Variants in EPM2A observed in about 807,000 individuals in gnomAD.
EPM2A encodes the protein EPM2A glucan phosphatase, laforin.
In EPM2A, 21 loss-of-function variants were observed where a neutral mutation model predicts 26.5. The observed-to-expected ratio is 0.79, with a 90% confidence interval of 0.56 to 1.14. The LOEUF (loss-of-function observed/expected upper bound fraction) is 1.14. Ranked by LOEUF, EPM2A falls within the 50% of genes most tolerant of loss-of-function variation. The probability of loss-of-function intolerance (pLI) is 0.00; values close to 1 mark genes in which losing one functional copy is unlikely to be tolerated. For synonymous variants in EPM2A, 217 were observed against 177.6 expected, an observed-to-expected ratio of 1.22 and a Z score of -1.76; for missense variants, 458 against 440.8, an observed-to-expected ratio of 1.04 and a Z score of -0.35.
chr6:145,472,281 G>A (rs915943767), intron 4 of EPM2A, among the ~76,000 whole-genome samples: 2 of 151,792 alleles, frequency 1.3e-5, no homozygotes, highest in African/African-American at 4.8e-5. Flanking sequence ...CTACATGGAG[G>A]GCCCTGGTGA....
In EPM2A at chr6:145,502,634, C is replaced by T; in HGVS notation, c.341-59G>A. The T allele has an allele frequency of 4.3e-6, 2 of 469,428 alleles. 1 individual carries two copies. The highest frequency in any genetic ancestry group is 3.1e-5 in the South Asian group (2 of 64,404). The allele number at this position is 469,428 out of a possible 1,614,324, so 29.1% of individuals were successfully genotyped here. The stretch of plus-strand genomic sequence containing the variant: ...AAAACCTGGCACAGTGCCAGCCTTG[C>T]TCAAGATGTTGTTATTCAGTCTTAG... On this transcript the variant is annotated intron_variant, in intron 2 of 3. Coordinates refer to the EPM2A transcript ENST00000450221.
chr6:145,552,983 G>C (rs1780676011), intron 2 of EPM2A, among the ~76,000 whole-genome samples: 1 of 151,990 alleles, frequency 6.6e-6, no homozygotes, highest in African/African-American at 2.4e-5. Context: ...ATATGGTTTG[G>C]CTCTGTGTCC....
At chr6:145,725,999 C>A (rs1776187059) in intron 1 of EPM2A, among the ~76,000 whole-genome samples, 1 of 152,106 alleles carries the variant, frequency 6.6e-6, no homozygotes. Flanking sequence ...GGCACACTCA[C>A]TGCCCAGATC....
At chr6:145,723,304 G>A (rs1776035611) in intron 1 of EPM2A, among the ~76,000 whole-genome samples, 1 of 152,046 alleles carries the variant, frequency 6.6e-6, no homozygotes, top group African/African-American at 2.4e-5. Flanking sequence ...ACTGAGTGGG[G>A]ACATGTCAAT....
At chr6:145,622,411 G>A (rs1335471462), downstream of EPM2A, among the ~76,000 whole-genome samples, 1 of 152,088 alleles carries the variant, frequency 6.6e-6, no homozygotes, top group African/African-American at 2.4e-5. Context: ...GTTGTCCATT[G>A]ATTTGTGTTT....
At chr6:145,656,910 T>C (rs562143226) in intron 2 of EPM2A, among the ~76,000 whole-genome samples, 11 of 152,258 alleles carry the variant, frequency 7.2e-5, no homozygotes, top group Non-Finnish European at 1.2e-4. Flanking sequence ...AAAGATAAAA[T>C]ATTCTCTTTG....
chr6:145,404,216 T>A (rs1278986818), intron 4 of EPM2A, among the ~76,000 whole-genome samples: 1 of 152,146 alleles, frequency 6.6e-6, no homozygotes, highest in Non-Finnish European at 1.5e-5. Context: ...TTCTGTGGAT[T>A]GTCTCTTTGT....
intron 4 of EPM2A, among the ~76,000 whole-genome samples, chr6:145,403,773 T>C (rs1341392830): frequency 1.3e-5 from 2 of 152,164 alleles, no homozygotes; most frequent in Admixed American, 1.3e-4. Flanking sequence ...CTTTTGTATA[T>C]ATACCCAGCA....
chr6:145,641,466 G>C (rs1232934087), intron 2 of EPM2A, among the ~76,000 whole-genome samples: 2 of 152,120 alleles, frequency 1.3e-5, no homozygotes, highest in East Asian at 1.9e-4. Flanking sequence ...TCAGCCTCCA[G>C]AACTGTGAAA....
intron 1 of EPM2A, among the ~76,000 whole-genome samples, chr6:145,731,780 GAGAAAGAAATCAT>G (rs1217365424): frequency 6.6e-6 from 1 of 151,936 alleles, no homozygotes; most frequent in Non-Finnish European, 1.5e-5. Flanking sequence ...ACAAAAAAAA[GAGAAAGAAATCAT>G]AGAAAATTTC....
intron 2 of EPM2A, among the ~76,000 whole-genome samples, chr6:145,554,477 C>A (rs867745949): frequency 6.9e-6 from 1 of 144,618 alleles, no homozygotes; most frequent in Non-Finnish European, 1.5e-5. Context: ...GATACATAGA[C>A]AGAGAGACAG....
intron 4 of EPM2A, among the ~76,000 whole-genome samples, chr6:145,420,731 C>T (rs1778770562): frequency 6.6e-6 from 1 of 152,200 alleles, no homozygotes; most frequent in Admixed American, 6.5e-5. Flanking sequence ...ATACCTGAGA[C>T]TAGTTACTTT....
chr6:145,675,548 G>C (rs977283068), intron 2 of EPM2A, among the ~76,000 whole-genome samples: 1 of 152,060 alleles, frequency 6.6e-6, no homozygotes, highest in Non-Finnish European at 1.5e-5. Context: ...CCCATCTCAC[G>C]TGCAGAGATA....
intron 1 of EPM2A, among the ~76,000 whole-genome samples, chr6:145,730,672 T>A (rs1441453343): frequency 6.6e-6 from 1 of 152,230 alleles, no homozygotes; most frequent in African/African-American, 2.4e-5. Context: ...AATTGATTTT[T>A]TTAAAATTAT....
chr6:145,672,896 C>A (rs1485953536), intron 2 of EPM2A, among the ~76,000 whole-genome samples: 1 of 152,080 alleles, frequency 6.6e-6, no homozygotes, highest in Non-Finnish European at 1.5e-5. Context: ...CAGAGGTTTC[C>A]CATCTAAATA....
At chr6:145,452,014 A>G (rs1779201215) in intron 4 of EPM2A, among the ~76,000 whole-genome samples, 1 of 152,158 alleles carries the variant, frequency 6.6e-6, no homozygotes, top group South Asian at 2.1e-4. Context: ...TTTTCTTGCT[A>G]GCATTCTCCT....
chr6:145,552,660 G>A (rs1367529650), intron 2 of EPM2A, among the ~76,000 whole-genome samples: 6 of 152,078 alleles, frequency 3.9e-5, no homozygotes, highest in Admixed American at 3.9e-4. Flanking sequence ...TGATAAATAT[G>A]TGAGCAAAAG....
At chr6:145,718,386 T>C (rs1280599477) in intron 1 of EPM2A, among the ~76,000 whole-genome samples, 2 of 150,254 alleles carry the variant, frequency 1.3e-5, no homozygotes, top group Non-Finnish European at 3.0e-5. Flanking sequence ...CCCTATTTAA[T>C]AAATGGTGCT....
chr6:145,466,664 A>C (rs1779398462), intron 4 of EPM2A, among the ~76,000 whole-genome samples: 2 of 152,144 alleles, frequency 1.3e-5, no homozygotes, highest in South Asian at 2.1e-4. Flanking sequence ...AAGGACTATA[A>C]ATCATGCTGC....
Sources: gnomAD v4.1 joint callset for allele counts (sites outside exome capture counted in the v4.1 genomes callset) on GRCh38, gnomAD v4.1.1 for gene constraint, MANE v1.5 for transcripts, NCBI Gene and HGNC (gene_info 2026-07-23, HGNC 2026-07-21) for gene names.